The following VPS13A variants were observed in gnomAD, a reference collection of about 807,000 sequenced individuals.
The protein encoded by VPS13A is vacuolar protein sorting 13 homolog A, also known as intermembrane lipid transfer protein VPS13A.
In VPS13A, 264 loss-of-function variants were observed where a neutral mutation model predicts 390.9. The ratio of observed to expected loss-of-function variants is 0.68; its 90% CI spans 0.61 to 0.75. The LOEUF (loss-of-function observed/expected upper bound fraction) is 0.75, where lower values mean the gene tolerates loss of function less well. VPS13A is among the 30% of genes least tolerant of loss of function. The probability of loss-of-function intolerance (pLI) is 0.00; values close to 1 mark genes in which losing one functional copy is unlikely to be tolerated. For missense variants in VPS13A, 3,409 were observed against 3,733.9 expected (o/e 0.91, Z 2.27); for synonymous variants, 1,231 against 1,227.1 (o/e 1.00, Z -0.07).
intron 68 of VPS13A, among the ~76,000 whole-genome samples, chr9:77,390,673 T>C (rs1166950210): frequency 8.6e-6 from 1 of 115,642 alleles, no homozygotes; most frequent in African/African-American, 3.4e-5. Context: ...TTTGTTGTTG[T>C]TGTTGTTGTT....
intron 46 of VPS13A, among the ~76,000 whole-genome samples, chr9:77,335,769 T>G (rs926025556): frequency 6.6e-6 from 1 of 152,188 alleles, no homozygotes; most frequent in African/African-American, 2.4e-5. Context: ...TGTAAATTAG[T>G]TCAAGCATTG....
chr9:77,279,109 T>TGCGA (rs1826863746), intron 26 of VPS13A, among the ~76,000 whole-genome samples: 1 of 152,236 alleles, frequency 6.6e-6, no homozygotes, highest in East Asian at 1.9e-4. Context: ...ACCGTCTTCC[T>TGCGA]TATCGCAAGG....
chr9:77,390,434 C>G (rs1833853957), intron 68 of VPS13A, among the ~76,000 whole-genome samples: 1 of 152,026 alleles, frequency 6.6e-6, no homozygotes, highest in South Asian at 2.1e-4. Flanking sequence ...ATAGTGTGTA[C>G]CACTATATTT....
At chr9:77,320,720 A>T (rs1247012345) in intron 42 of VPS13A, among the ~76,000 whole-genome samples, 1 of 152,116 alleles carries the variant, frequency 6.6e-6, no homozygotes, top group African/African-American at 2.4e-5. Context: ...AAAATGGTAA[A>T]GGGTATTGAT....
chr9:77,343,802 T>C (rs1279371842), intron 50 of VPS13A, among the ~76,000 whole-genome samples: 1 of 152,198 alleles, frequency 6.6e-6, no homozygotes, highest in Non-Finnish European at 1.5e-5. Context: ...GAATGTACAC[T>C]TGTTTTAAGC....
chr9:77,220,824 T>C lies in VPS13A; in HGVS notation c.990-361T>C, dbSNP rs73466010. Among the ~76,000 whole-genome samples, 1,193 of 152,208 alleles carry C rather than the reference T, an allele frequency of 7.8e-3. 17 individuals are homozygous for C. Among genetic ancestry groups the C allele is most frequent in the African/African-American group, 0.027 (1,118 of 41,560 alleles). On this transcript the variant is annotated intron_variant, in intron 12 of 71. Coordinates refer to ENST00000360280, the MANE Select transcript of VPS13A (RefSeq NM_033305.3). ...ATTTTAAAACTCAAAAGTCTTGTTATTCCAGTTTTTAAGCTATTCCCTAGT... is the reference window on the plus strand; with the variant it reads ...ATTTTAAAACTCAAAAGTCTTGTTACTCCAGTTTTTAAGCTATTCCCTAGT...
intron 59 of VPS13A, 74 bp from the exon 60 acceptor site, chr9:77,365,386 T>C: frequency 1.1e-6 from 1 of 919,242 alleles, no homozygotes; most frequent in Non-Finnish European, 1.8e-6. Flanking sequence ...GTTTTGGCAG[T>C]GTGTCTTCTA....
chr9:77,395,208 C>G (rs919291124), intron 68 of VPS13A, among the ~76,000 whole-genome samples: 5 of 152,170 alleles, frequency 3.3e-5, no homozygotes, highest in African/African-American at 1.2e-4. Flanking sequence ...ACATATAACT[C>G]TTCATTTCAC....
At chr9:77,401,328 GTTGTGTGTGTGTGT>G (rs1377976342) in intron 68 of VPS13A, among the ~76,000 whole-genome samples, 1 of 95,166 alleles carries the variant, frequency 1.1e-5, no homozygotes, top group Non-Finnish European at 2.1e-5. Context: ...ATCACATGAA[GTTGTGTGTGTGTGT>G]GTGTGTGTGT....
rs199759297 is a variant in VPS13A, at chr9:77,177,670, C to T, written c.-35C>T. ...GGAAGGCGGCGGGAGGAGGAGCGCA[C>T]GGGCCGGCTGCCGTGCCCACCACGG... On this transcript the variant is annotated 5_prime_UTR_variant, in exon 1 of 72. In the 5' UTR this introduces an upstream ATG that the reference lacks. Transcript: ENST00000360280. The T allele has an allele frequency of 3.1e-6, 5 of 1,591,744 alleles. No homozygotes were observed. Among genetic ancestry groups the T allele is most frequent in the Non-Finnish European group, 4.3e-6 (5 of 1,162,800 alleles).
At chr9:77,292,522 C>G (rs954113596) in intron 31 of VPS13A, among the ~76,000 whole-genome samples, 9 of 152,062 alleles carry the variant, frequency 5.9e-5, no homozygotes, top group Admixed American at 1.3e-4. Flanking sequence ...TTTGTGCACC[C>G]TAGGCAGAAG....
At chr9:77,359,778 A>G (rs777190710) in intron 58 of VPS13A, among the ~76,000 whole-genome samples, 50 of 150,190 alleles carry the variant, frequency 3.3e-4, no homozygotes, top group Admixed American at 6.7e-4. Context: ...AGATCACACC[A>G]CTGCACTCCA....
chr9:77,403,282 T>C lies in VPS13A; in HGVS notation c.9236T>C (p.Val3079Ala). The C allele has an allele frequency of 6.2e-7, 1 of 1,612,448 alleles. No individual in the cohort carries two copies. The highest frequency in any genetic ancestry group is 8.5e-7 in the Non-Finnish European group (1 of 1,179,660). ...GCAAAATACAAATATTTTACCCATG[T>C]CATGATCAATAAGACAGATATGCTA... is the stretch of plus-strand genomic sequence containing the variant. ...RFAKYKYFTH[V>A]MINKTDMLMI... The change falls in exon 69 of 72, where the codon GTC (valine) becomes GCC (alanine). Residue 3079 changes from valine to alanine, a missense_variant. Val to Ala is a moderately conservative substitution (Grantham distance 64). Around this residue, in one of 5 missense-constraint regions of VPS13A, gnomAD observed 318 missense variants for 333.7 expected, o/e 0.95. Coordinates refer to ENST00000360280, the MANE Select transcript of VPS13A (RefSeq NM_033305.3).
In VPS13A at chr9:77,339,743, C is replaced by A. The variant is rs747701216; in HGVS notation, c.6606C>A (p.Tyr2202Ter). Residue 2202 changes from tyrosine to a stop codon, truncating the protein, a stop_gained, in exon 48 of 72, where the codon TAC (tyrosine) becomes TAA (stop). Coordinates refer to ENST00000360280, the MANE Select transcript of VPS13A (RefSeq NM_033305.3). LOFTEE classifies it high-confidence loss of function. ...TDLDIAVHMT[Y>*]NTGQTVVAFH... ...TAGATATTGCTGTCCATATGACTTA[C>A]AATACTGGTCAGACAGTTGTGGCAT... The A allele has an allele frequency of 1.2e-6, 2 of 1,613,912 alleles. No individual in the cohort carries two copies. Among genetic ancestry groups the A allele is most frequent in the Admixed American group, 1.7e-5 (1 of 59,996 alleles).
intron 44 of VPS13A, among the ~76,000 whole-genome samples, chr9:77,321,957 T>G (rs988936000): frequency 6.6e-6 from 1 of 152,012 alleles, no homozygotes; most frequent in Non-Finnish European, 1.5e-5. Flanking sequence ...CCAAACTCTT[T>G]CTTTATCCTC....
intron 3 of VPS13A, among the ~76,000 whole-genome samples, chr9:77,203,295 T>A (rs1434759423): frequency 6.6e-6 from 1 of 152,200 alleles, no homozygotes; most frequent in Non-Finnish European, 1.5e-5. Flanking sequence ...TTTGTTTGTT[T>A]GTTTGGTTTT....
intron 67 of VPS13A, among the ~76,000 whole-genome samples, chr9:77,375,130 T>C (rs1395247824): frequency 2.6e-5 from 4 of 152,186 alleles, no homozygotes; most frequent in Non-Finnish European, 5.9e-5. Context: ...TTGAAACATA[T>C]GAAGGCTTCT....
chr9:77,218,644 CT>C (rs200685101), intron 10 of VPS13A, among the ~76,000 whole-genome samples: 230 of 132,032 alleles, frequency 1.7e-3, no homozygotes, highest in Admixed American at 3.6e-3. Context: ...AGAACATTGC[CT>C]TTTTTTTTTT....
chr9:77,357,917 C>A, intron 56 of VPS13A, 79 bp downstream of exon 56: 2 of 1,120,868 alleles, frequency 1.8e-6, no homozygotes, highest in Non-Finnish European at 2.6e-6. Flanking sequence ...CCATGGTCTG[C>A]TTTATCTAGT....
Sources: gnomAD v4.1 joint callset for allele counts (sites outside exome capture counted in the v4.1 genomes callset) on GRCh38, gnomAD v4.1.1 for gene constraint, gnomAD v4.1.1 regional missense constraint, MANE v1.5 for transcripts, NCBI Gene and HGNC (gene_info 2026-07-23, HGNC 2026-07-21) for gene names.